EYA4: variants seen among roughly 807,000 people sequenced by gnomAD.
EYA4 encodes the protein EYA transcriptional coactivator and phosphatase 4, also known as protein phosphatase EYA4.
EYA4 carries 31 observed loss-of-function variants against 87.9 expected under a neutral mutation model. That is an observed-to-expected ratio of 0.35 (90% CI 0.27 to 0.48). EYA4 has a LOEUF of 0.48. Among genes scored for constraint, EYA4 ranks in the 20% least tolerant of loss-of-function variants. The pLI, the probability that EYA4 is intolerant of heterozygous loss-of-function variation, is 0.99. For synonymous variants in EYA4, 263 were observed against 270.6 expected (o/e 0.97, Z 0.28); for missense variants, 678 against 761.4 (o/e 0.89, Z 1.29).
chr6:133,326,220 G>T (rs1037002349), intron 2 of EYA4, among the ~76,000 whole-genome samples: 1 of 152,198 alleles, frequency 6.6e-6, no homozygotes, highest in African/African-American at 2.4e-5. Flanking sequence ...GGGGAACTTA[G>T]CTCTGGAAGC....
At chr6:133,282,120 G>T (rs923011599) in intron 2 of EYA4, among the ~76,000 whole-genome samples, 1 of 152,170 alleles carries the variant, frequency 6.6e-6, no homozygotes, top group Admixed American at 6.5e-5. Context: ...TAGTAGGATT[G>T]CTGGGTCAAA....
chr6:133,496,051 A>G (rs983029136), intron 13 of EYA4, among the ~76,000 whole-genome samples: 3 of 152,360 alleles, frequency 2.0e-5, no homozygotes, highest in East Asian at 3.9e-4. Context: ...AGAATCCTCT[A>G]TAACTAAGTT....
At chr6:133,369,185 C>A (rs1375965467) in intron 2 of EYA4, among the ~76,000 whole-genome samples, 1 of 151,942 alleles carries the variant, frequency 6.6e-6, no homozygotes, top group Non-Finnish European at 1.5e-5. Flanking sequence ...ATACTGTTTT[C>A]TTTAAAGAAA....
chr6:133,422,868 G>C (rs1241859744), intron 3 of EYA4, among the ~76,000 whole-genome samples: 1 of 152,100 alleles, frequency 6.6e-6, no homozygotes, highest in African/African-American at 2.4e-5. Flanking sequence ...GCCCTGTAAG[G>C]GCTTCCTGTC....
intron 2 of EYA4, among the ~76,000 whole-genome samples, chr6:133,292,545 G>A (rs1342348501): frequency 6.6e-6 from 1 of 152,150 alleles, no homozygotes; most frequent in Non-Finnish European, 1.5e-5. Flanking sequence ...TTTTAAACGG[G>A]AAGTTGCTTT....
chr6:133,466,553 C>T (rs1794860274), intron 10 of EYA4, among the ~76,000 whole-genome samples: 1 of 152,066 alleles, frequency 6.6e-6, no homozygotes, highest in African/African-American at 2.4e-5. Context: ...AGTAAACACA[C>T]AAATAAATGC....
chr6:133,383,517 CAA>C (rs768724484), intron 3 of EYA4, among the ~76,000 whole-genome samples: 11 of 45,236 alleles, frequency 2.4e-4, no homozygotes, highest in East Asian at 1.9e-3. Context: ...GACTCCATCT[CAA>C]AAAAAAAAAA....
At position 133,299,939 on chromosome 6, in the gene EYA4, C is replaced by CTATATA. The variant is rs201050418; in HGVS notation, c.33+25129_33+25130insATATAT. 4.5e-3 allele frequency among the ~76,000 whole-genome samples: 606 copies of CTATATA among 134,638 alleles called. 3 individuals carry two copies. Among genetic ancestry groups the CTATATA allele is most frequent in the South Asian group, 1.0e-2 (42 of 4,216 alleles). The allele number at this position is 134,638 out of a possible 152,430, so 88.3% of individuals were successfully genotyped here. A position where few individuals can be genotyped will look rare whatever the true frequency, so the allele number is the denominator to read the frequency against. On this transcript the variant is annotated intron_variant, in intron 2 of 19. Coordinates refer to ENST00000355286, the MANE Select transcript of EYA4 (RefSeq NM_004100.5). The stretch of plus-strand genomic sequence containing the variant: ...TATATAAAGATCTCTATCTATCTAT[C>CTATATA]TATCTATCTATCTATCTATATATAT...
intron 2 of EYA4, among the ~76,000 whole-genome samples, chr6:133,278,265 A>G (rs1005807635): frequency 1.1e-4 from 16 of 152,100 alleles, no homozygotes; most frequent in Non-Finnish European, 1.0e-4. Flanking sequence ...CATCCCTCTG[A>G]GCAGCCCTCT....
At chr6:133,412,984 T>A (rs1255048639) in intron 3 of EYA4, among the ~76,000 whole-genome samples, 6 of 152,192 alleles carry the variant, frequency 3.9e-5, no homozygotes, top group Non-Finnish European at 8.8e-5. Flanking sequence ...TGCAGTCATG[T>A]GTACACTTAC....
At chr6:133,338,551 A>G (rs1175955781) in intron 2 of EYA4, among the ~76,000 whole-genome samples, 2 of 152,188 alleles carry the variant, frequency 1.3e-5, no homozygotes, top group Non-Finnish European at 2.9e-5. Flanking sequence ...TTTTACCTCT[A>G]GGAGTTAGAT....
intron 2 of EYA4, among the ~76,000 whole-genome samples, chr6:133,309,492 GT>G (rs1338129723): frequency 1.3e-5 from 2 of 152,128 alleles, no homozygotes; most frequent in East Asian, 1.9e-4. Context: ...AAAAATTTCT[GT>G]TTTAAAGCCT....
At chr6:133,417,601 T>TAC (rs1009011597) in intron 3 of EYA4, among the ~76,000 whole-genome samples, 2 of 152,046 alleles carry the variant, frequency 1.3e-5, no homozygotes, top group Non-Finnish European at 2.9e-5. Context: ...CAAAAACACA[T>TAC]ACACACACAC....
chr6:133,366,287 A>C (rs1238753184), intron 2 of EYA4, among the ~76,000 whole-genome samples: 1 of 152,220 alleles, frequency 6.6e-6, no homozygotes, highest in Non-Finnish European at 1.5e-5. Context: ...GAGAAATAAT[A>C]AAGAGTTCAG....
chr6:133,532,064 AT>A lies in EYA4; in HGVS notation c.*3260del, dbSNP rs1399409218. 4 of 152,218 alleles carry A rather than the reference AT, an allele frequency of 2.6e-5. 1 individual carries two copies. The highest frequency in any genetic ancestry group is 2.6e-4 in the Admixed American group (4 of 15,284). 9.4% of individuals were successfully genotyped at this position (152,218 alleles called of 1,614,324 possible). A position where few individuals can be genotyped will look rare whatever the true frequency, so the allele number is the denominator to read the frequency against. On this transcript the variant is annotated 3_prime_UTR_variant, in exon 20 of 20. Coordinates refer to ENST00000355286, the MANE Select transcript of EYA4 (RefSeq NM_004100.5). ...ATTAATATTAAAAGCTTGTAAAAAT[AT>A]GTATATCTTTACTATTTCTCAATAA...
intron 3 of EYA4, among the ~76,000 whole-genome samples, chr6:133,444,577 G>A (rs1792616597): frequency 6.6e-6 from 1 of 152,142 alleles, no homozygotes; most frequent in Non-Finnish European, 1.5e-5. Flanking sequence ...GTCTCAGCTA[G>A]TCTTATGAGA....
At chr6:133,339,848 C>T (rs1006846859) in intron 2 of EYA4, among the ~76,000 whole-genome samples, 90 of 152,228 alleles carry the variant, frequency 5.9e-4, no homozygotes, top group African/African-American at 2.1e-3. Context: ...ACTGGGAGGA[C>T]GCTGACTTTG....
intron 13 of EYA4, among the ~76,000 whole-genome samples, chr6:133,491,502 C>T (rs1797147665): frequency 6.6e-6 from 1 of 152,044 alleles, no homozygotes; most frequent in South Asian, 2.1e-4. Flanking sequence ...TCCAAGTATT[C>T]TTAGAGGCTA....
At chr6:133,382,468 C>A (rs1262551269) in intron 3 of EYA4, 27 bp downstream of exon 3, 5 of 1,533,810 alleles carry the variant, frequency 3.3e-6, no homozygotes, top group Non-Finnish European at 3.6e-6. Flanking sequence ...ACCAAGACTC[C>A]CCTAAGGAGA....
Sources: gnomAD v4.1 joint callset for allele counts (sites outside exome capture counted in the v4.1 genomes callset) on GRCh38, gnomAD v4.1.1 for gene constraint, MANE v1.5 for transcripts, NCBI Gene and HGNC (gene_info 2026-07-23, HGNC 2026-07-21) for gene names.